CTNNA2: variants seen among roughly 807,000 people sequenced by gnomAD.
The protein encoded by CTNNA2 is catenin alpha 2, also known as catenin alpha-2.
A neutral mutation model predicts 101.0 loss-of-function variants in CTNNA2; 42 were observed. The ratio of observed to expected loss-of-function variants is 0.42; its 90% confidence interval spans 0.32 to 0.54. The LOEUF (loss-of-function observed/expected upper bound fraction) is 0.54. Among genes scored for constraint, CTNNA2 ranks in the 20% least tolerant of loss-of-function variants. The pLI is 0.14. For missense variants in CTNNA2, 871 were observed against 1,223.1 expected (o/e 0.71, Z 4.29); for synonymous variants, 450 against 456.4 (o/e 0.99, Z 0.18).
chr2:79,823,325 G>A (rs2974176), intron 3 of CTNNA2, among the ~76,000 whole-genome samples: 1 of 152,146 alleles, frequency 6.6e-6, no homozygotes, highest in Non-Finnish European at 1.5e-5. Context: ...AAAGGCTTTA[G>A]ATTTTAAAAT....
intron 3 of CTNNA2, among the ~76,000 whole-genome samples, chr2:79,351,847 C>T (rs533109262): frequency 6.6e-6 from 1 of 152,110 alleles, no homozygotes; most frequent in African/African-American, 2.4e-5. Context: ...TGATGAACAT[C>T]GTATTTGATT....
chr2:80,593,539 G>A (rs1696692813), intron 15 of CTNNA2, among the ~76,000 whole-genome samples: 1 of 151,962 alleles, frequency 6.6e-6, no homozygotes, highest in Non-Finnish European at 1.5e-5. Flanking sequence ...TCCTTTGTAA[G>A]TGTACATTTC....
intron 2 of CTNNA2, among the ~76,000 whole-genome samples, chr2:79,239,818 C>T (rs905600341): frequency 2.2e-4 from 34 of 152,016 alleles, no homozygotes; most frequent in African/African-American, 2.9e-4. Flanking sequence ...GGCTAATATC[C>T]GGAATATACG....
chr2:79,367,245 G>C (rs777780210), intron 3 of CTNNA2, among the ~76,000 whole-genome samples: 1 of 152,204 alleles, frequency 6.6e-6, no homozygotes. Flanking sequence ...GAATCAGCTA[G>C]CACCTTAATC....
chr2:79,781,703 G>T (rs934626377), intron 3 of CTNNA2, among the ~76,000 whole-genome samples: 4 of 152,180 alleles, frequency 2.6e-5, no homozygotes, highest in Admixed American at 6.6e-5. Context: ...GCTTTCTACA[G>T]AAATTCAAAT....
intron 9 of CTNNA2, among the ~76,000 whole-genome samples, chr2:80,496,395 C>CTTTTTTTTTTTTTTT (rs34221173): frequency 5.3e-5 from 7 of 131,738 alleles, no homozygotes; most frequent in Non-Finnish European, 8.1e-5. Context: ...TCTTCACTGT[C>CTTTTTTTTTTTTTTT]TTTTTTTTTT....
intron 4 of CTNNA2, among the ~76,000 whole-genome samples, chr2:79,867,270 G>T (rs1682184595): frequency 6.6e-6 from 1 of 151,992 alleles, no homozygotes; most frequent in Non-Finnish European, 1.5e-5. Flanking sequence ...TATTAATTTT[G>T]AATTGTCAAT....
intron 9 of CTNNA2, among the ~76,000 whole-genome samples, chr2:80,492,006 C>T (rs1321405523): frequency 1.3e-5 from 2 of 152,088 alleles, no homozygotes; most frequent in Non-Finnish European, 2.9e-5. Flanking sequence ...CAGGTCCTCA[C>T]ACTATTTTTT....
At chr2:79,393,771 C>T (rs1678199927) in intron 4 of CTNNA2, among the ~76,000 whole-genome samples, 1 of 152,050 alleles carries the variant, frequency 6.6e-6, no homozygotes, top group South Asian at 2.1e-4. Context: ...CATCACAGCT[C>T]CAATCAAGAA....
At chr2:79,394,312 T>C (rs1385124540) in intron 4 of CTNNA2, among the ~76,000 whole-genome samples, 4 of 152,214 alleles carry the variant, frequency 2.6e-5, no homozygotes, top group Non-Finnish European at 5.9e-5. Flanking sequence ...GCAGCACAGC[T>C]GCTTAGACTG....
At chr2:79,789,199 C>T (rs958022581) in intron 3 of CTNNA2, among the ~76,000 whole-genome samples, 5 of 152,078 alleles carry the variant, frequency 3.3e-5, no homozygotes, top group Admixed American at 3.3e-4. Context: ...GGAAATGTTC[C>T]TAGAGGAGCT....
At chr2:80,039,020 G>A (rs963195031) in intron 7 of CTNNA2, among the ~76,000 whole-genome samples, 1 of 152,130 alleles carries the variant, frequency 6.6e-6, no homozygotes, top group Non-Finnish European at 1.5e-5. Flanking sequence ...AGAAGCATCA[G>A]CAATAATGGA....
chr2:79,523,200 C>A, intron 1 of CTNNA2: 1 of 426,968 alleles, frequency 2.3e-6, no homozygotes, highest in South Asian at 1.8e-5. Flanking sequence ...TTTTGGCTGT[C>A]TACAGAGATA....
rs1678570727 is a variant in CTNNA2, at chr2:79,424,317, G to A, written c.-135+50304G>A. Reference sequence around the variant, plus strand: ...TTTTCTTCAGAAAAAACATTCTTATGTCCTGGAATTATTCTTCATATTCAA... The same window carrying A: ...TTTTCTTCAGAAAAAACATTCTTATATCCTGGAATTATTCTTCATATTCAA... On this transcript the variant is annotated intron_variant, in intron 4 of 21. Transcript: ENST00000466387. 2.6e-5 allele frequency among the ~76,000 whole-genome samples: 4 copies of A among 152,044 alleles called. No homozygotes were observed. The South Asian group carries it at 8.3e-4, about 32-fold the overall frequency.
At chr2:80,178,191 C>T (rs1705519447) in intron 7 of CTNNA2, among the ~76,000 whole-genome samples, 4 of 152,078 alleles carry the variant, frequency 2.6e-5, no homozygotes, top group Admixed American at 2.0e-4. Context: ...TACTTGTGCC[C>T]CAAGGACCTG....
Position 79,365,101 on chromosome 2 carries a change from C to T in CTNNA2, c.-317-8730C>T, listed in dbSNP as rs182090752. On this transcript the variant is annotated intron_variant, in intron 3 of 21. Coordinates refer to the CTNNA2 transcript ENST00000466387. ...ACCAGCCTGGCCAACATGCTGAAAC[C>T]CCGCCTCTACTAAAAATACAAAAAA... Among the ~76,000 whole-genome samples the T allele has an allele frequency of 3.7e-3, 557 of 151,976 alleles. 3 individuals are homozygous for T. Among genetic ancestry groups the T allele is most frequent in the Non-Finnish European group, 5.4e-3 (367 of 67,970 alleles).
Position 80,115,465 on chromosome 2 carries a change from C to G in CTNNA2, c.1056+205668C>G, listed in dbSNP as rs2148868041. 2.6e-5 allele frequency among the ~76,000 whole-genome samples: 4 copies of G among 152,278 alleles called. 1 individual carries two copies. In the Middle Eastern group the frequency reaches 0.01, roughly 388 times the overall value. Reference sequence around the variant, plus strand: ...TTCTGAAGATTGGGCTCTCAAGGAGCTGATAATTTTAAAAAGATCTTTAGG... The same window carrying G: ...TTCTGAAGATTGGGCTCTCAAGGAGGTGATAATTTTAAAAAGATCTTTAGG... On this transcript the variant is annotated intron_variant, in intron 7 of 18. Coordinates refer to ENST00000402739, the MANE Select transcript of CTNNA2 (RefSeq NM_001282597.3).
chr2:79,288,041 T>C (rs976667266), intron 2 of CTNNA2, among the ~76,000 whole-genome samples: 2 of 152,232 alleles, frequency 1.3e-5, no homozygotes, highest in African/African-American at 4.8e-5. Context: ...TTTCTTTGAC[T>C]AGGAAAGGGA....
In CTNNA2 at chr2:80,128,436, T is replaced by C. The variant is rs146675616; in HGVS notation, c.1056+218639T>C. ...TGAGCTCAGTCTAGTCCCTATCCTC[T>C]CTGGGCCACAGCTTTCCAAAGAACA... is the stretch of plus-strand genomic sequence containing the variant. On this transcript the variant is annotated intron_variant, in intron 7 of 18. Transcript: ENST00000402739. Among the ~76,000 whole-genome samples, 529 of 152,236 alleles carry C rather than the reference T, an allele frequency of 3.5e-3. 1 individual carries two copies. The highest frequency in any genetic ancestry group is 0.01 in the Middle Eastern group (3 of 294).
Sources: allele counts gnomAD v4.1 joint callset (sites outside exome capture counted in the v4.1 genomes callset), GRCh38; gene constraint gnomAD v4.1.1; transcripts MANE v1.5; gene names NCBI Gene and HGNC (gene_info 2026-07-23, HGNC 2026-07-21).